Variants in PARD3 observed in about 807,000 individuals in gnomAD.
The protein encoded by PARD3 is par-3 family cell polarity regulator, also known as partitioning defective 3 homolog.
A neutral mutation model predicts 155.4 loss-of-function variants in PARD3; 75 were observed. The observed-to-expected ratio is 0.48, with a 90% CI of 0.40 to 0.58. PARD3 has a LOEUF of 0.58. Ranked by LOEUF, PARD3 falls within the 20% of genes least tolerant of loss-of-function variation. PARD3 has a pLI of 0.00. For synonymous variants in PARD3, 576 were observed against 610.5 expected (o/e 0.94, Z 0.83); for missense variants, 1,642 against 1,721.7 (o/e 0.95, Z 0.82).
intron 22 of PARD3, among the ~76,000 whole-genome samples, chr10:34,188,979 G>A (rs1189616549): frequency 6.6e-6 from 1 of 152,054 alleles, no homozygotes; most frequent in Non-Finnish European, 1.5e-5. Context: ...TGGACTCCTA[G>A]GGGTCTACAA....
chr10:34,813,625 G>C (rs1201685197), intron 1 of PARD3, among the ~76,000 whole-genome samples: 1 of 152,148 alleles, frequency 6.6e-6, no homozygotes, highest in Admixed American at 6.5e-5. Flanking sequence ...CCAAATTTAT[G>C]CTATTTTTTC....
rs1946327778 is a variant in PARD3, at chr10:34,110,075, C to T, written c.*1094G>A. On this transcript the variant is annotated 3_prime_UTR_variant, in exon 25 of 25. Transcript: ENST00000374788. ...CACCGCTGTGGGACCCGAAAATGTT[C>T]TCTGTGTGATGTGTAACGGCTTTTC... is the stretch of plus-strand genomic sequence containing the variant. 6.6e-6 allele frequency: 1 copy of T among 151,940 alleles called. No individual in the cohort carries two copies. Among genetic ancestry groups the T allele is most frequent in the African/African-American group, 2.4e-5 (1 of 41,342 alleles). 9.4% of individuals were successfully genotyped at this position (151,940 alleles called of 1,614,324 possible). A position where few individuals can be genotyped will look rare whatever the true frequency, so the allele number is the denominator to read the frequency against.
chr10:34,772,457 T>C (rs549478644), intron 1 of PARD3, among the ~76,000 whole-genome samples: 59 of 152,192 alleles, frequency 3.9e-4, no homozygotes, highest in African/African-American at 1.3e-3. Flanking sequence ...TAAGACAGTA[T>C]CTTTAAATCA....
Position 34,336,186 on chromosome 10 carries a change from T to C in PARD3, c.2605+13A>G, listed in dbSNP as rs552848455. 2 of 1,605,650 alleles carry C rather than the reference T, an allele frequency of 1.2e-6. No individual in the cohort carries two copies. Among genetic ancestry groups the C allele is most frequent in the South Asian group, 2.2e-5 (2 of 90,790 alleles). ...ATCGTTTCTATGGCAACAGTCTAAC[T>C]GTCCATTCTTACCTGCTTTCTGGTC... On this transcript the variant is annotated intron_variant, in intron 18 of 24. Coordinates refer to ENST00000374788, the MANE Select transcript of PARD3 (RefSeq NM_001184785.2).
intron 22 of PARD3, among the ~76,000 whole-genome samples, chr10:34,138,660 A>C (rs972143658): frequency 6.6e-6 from 1 of 152,206 alleles, no homozygotes; most frequent in Non-Finnish European, 1.5e-5. Flanking sequence ...GACTTAAAAG[A>C]TGCCCCTTCA....
intron 2 of PARD3, among the ~76,000 whole-genome samples, chr10:34,668,559 G>A (rs1407889126): frequency 2.6e-5 from 4 of 152,278 alleles, no homozygotes; most frequent in Non-Finnish European, 5.9e-5. Context: ...TGGCTCTATA[G>A]CATTATTCTG....
chr10:34,344,795 A>G (rs1837228569), intron 15 of PARD3: 1 of 985,324 alleles, frequency 1.0e-6, no homozygotes, highest in Admixed American at 6.1e-5. Flanking sequence ...TCTGACCCCA[A>G]CAAAAGCTAA....
intron 9 of PARD3, among the ~76,000 whole-genome samples, chr10:34,381,488 G>A (rs1005256804): frequency 6.6e-6 from 1 of 152,158 alleles, no homozygotes; most frequent in African/African-American, 2.4e-5. Context: ...AAGTCCAATA[G>A]TTTGCACTCA....
At chr10:34,319,533 C>T (rs181329712) in intron 19 of PARD3, among the ~76,000 whole-genome samples, 2 of 152,264 alleles carry the variant, frequency 1.3e-5, no homozygotes, top group East Asian at 1.9e-4. Flanking sequence ...TAATTGTGCA[C>T]GTTTATTAGA....
chr10:34,153,206 G>T (rs548164799), intron 22 of PARD3, among the ~76,000 whole-genome samples: 201 of 152,222 alleles, frequency 1.3e-3, no homozygotes, highest in African/African-American at 4.7e-3. Flanking sequence ...AAACTCCTGG[G>T]ATCAGGCAAT....
rs1564800420 is a variant in PARD3, at chr10:34,516,985, G to A, written c.397C>T (p.Arg133Ter). The A allele has an allele frequency of 6.2e-7, 1 of 1,613,412 alleles. No individual in the cohort carries two copies. The highest frequency in any genetic ancestry group is 8.5e-7 in the Non-Finnish European group (1 of 1,179,576). The change falls in exon 3 of 25, where the codon CGA (arginine) becomes TGA (stop). Residue 133 changes from arginine to a stop codon, truncating the protein, a stop_gained. Transcript: ENST00000374788. LOFTEE classifies it high-confidence loss of function. ...AGAAAGAGCTTTCACTTACTTGCTC[G>A]AAGGACTGAAGGTGTGACCTCAATT... ...SEIEVTPSVL[R>*]ANMPLHVRRS...
intron 22 of PARD3, among the ~76,000 whole-genome samples, chr10:34,198,435 T>G (rs949576431): frequency 1.3e-5 from 2 of 150,298 alleles, no homozygotes; most frequent in African/African-American, 4.9e-5. Flanking sequence ...TAAGAATGCC[T>G]ATCTGAAATC....
intron 22 of PARD3, among the ~76,000 whole-genome samples, chr10:34,229,115 C>A (rs1187254309): frequency 6.6e-6 from 1 of 152,128 alleles, no homozygotes; most frequent in Admixed American, 6.5e-5. Context: ...ACAACAGCCA[C>A]ACGCCTAGCC....
chr10:34,459,407 G>C (rs890400800), intron 4 of PARD3, among the ~76,000 whole-genome samples: 1 of 151,930 alleles, frequency 6.6e-6, no homozygotes, highest in Non-Finnish European at 1.5e-5. Flanking sequence ...TCCTGACCTC[G>C]TGATCCGCCC....
At chr10:34,326,198 G>A (rs1427932779) in intron 19 of PARD3, among the ~76,000 whole-genome samples, 5 of 150,852 alleles carry the variant, frequency 3.3e-5, no homozygotes, top group Non-Finnish European at 7.4e-5. Flanking sequence ...AATATTCATT[G>A]CACTTTCTGC....
At chr10:34,672,052 T>C (rs2133252943) in intron 2 of PARD3, among the ~76,000 whole-genome samples, 1 of 151,948 alleles carries the variant, frequency 6.6e-6, no homozygotes, top group South Asian at 2.1e-4. Context: ...TGCATGCCTG[T>C]CAGCTACTGG....
At chr10:34,319,884 TG>T (rs1363154176) in intron 19 of PARD3, among the ~76,000 whole-genome samples, 4 of 152,196 alleles carry the variant, frequency 2.6e-5, no homozygotes, top group Non-Finnish European at 5.9e-5. Context: ...AGAAGTTCTC[TG>T]GAGCTATAAA....
At chr10:34,221,634 C>T (rs1360337454) in intron 22 of PARD3, among the ~76,000 whole-genome samples, 1 of 152,136 alleles carries the variant, frequency 6.6e-6, no homozygotes, top group Non-Finnish European at 1.5e-5. Context: ...CTATCCGTTC[C>T]TTTCTTAACA....
At chr10:34,411,690 A>G (rs536775318) in intron 5 of PARD3, among the ~76,000 whole-genome samples, 87 of 151,920 alleles carry the variant, frequency 5.7e-4, no homozygotes, top group African/African-American at 2.1e-3. Context: ...AATTCCTTAT[A>G]GTAAATGTTA....
Sources: allele counts gnomAD v4.1 joint callset (sites outside exome capture counted in the v4.1 genomes callset), GRCh38; gene constraint gnomAD v4.1.1; transcripts MANE v1.5; gene names NCBI Gene and HGNC (gene_info 2026-07-23, HGNC 2026-07-21).